The following TTC28 variants were observed in gnomAD, a reference collection of about 807,000 sequenced individuals.
TTC28 encodes the protein tetratricopeptide repeat protein 28.
A neutral mutation model predicts 198.0 loss-of-function variants in TTC28; 61 were observed. That is an observed-to-expected ratio of 0.31 (90% CI 0.25 to 0.38). The LOEUF is 0.38. Ranked by LOEUF, TTC28 falls within the 10% of genes least tolerant of loss-of-function variation. The probability of loss-of-function intolerance (pLI) is 1.00; values close to 1 mark genes in which losing one functional copy is unlikely to be tolerated. For synonymous variants in TTC28, 1,171 were observed against 1,297.8 expected (o/e 0.90, Z 2.10); for missense variants, 2,678 against 3,164.0 (o/e 0.85, Z 3.69).
intron 2 of TTC28, among the ~76,000 whole-genome samples, chr22:28,536,431 T>C (rs2049280306): frequency 6.6e-6 from 1 of 151,618 alleles, no homozygotes. Flanking sequence ...GAGACCATCC[T>C]GGCTAACACG....
chr22:28,299,402 C>T (rs1283831498), intron 3 of TTC28, among the ~76,000 whole-genome samples: 1 of 152,146 alleles, frequency 6.6e-6, no homozygotes, highest in Non-Finnish European at 1.5e-5. Context: ...AATCTTGAAA[C>T]CTGGAAACCT....
At chr22:28,112,831 G>A (rs948925944) in intron 6 of TTC28, among the ~76,000 whole-genome samples, 11 of 152,160 alleles carry the variant, frequency 7.2e-5, no homozygotes, top group Admixed American at 6.5e-5. Flanking sequence ...GCAGGGAGGG[G>A]AATTAAATGA....
intron 5 of TTC28, among the ~76,000 whole-genome samples, chr22:28,202,344 G>A (rs1049584636): frequency 2.0e-5 from 3 of 151,782 alleles, no homozygotes; most frequent in Non-Finnish European, 4.4e-5. Context: ...TGAGACCAGC[G>A]TGGCCAACAT....
chr22:28,262,847 A>G (rs1931419075), intron 5 of TTC28, among the ~76,000 whole-genome samples: 1 of 152,150 alleles, frequency 6.6e-6, no homozygotes, highest in South Asian at 2.1e-4. Flanking sequence ...GATGAGAATG[A>G]CTACCAGAAG....
chr22:28,033,123 G>A (rs1939199673), intron 12 of TTC28, among the ~76,000 whole-genome samples: 1 of 152,136 alleles, frequency 6.6e-6, no homozygotes, highest in African/African-American at 2.4e-5. Context: ...GCCTGGGACC[G>A]GTATCAGCCT....
chr22:28,048,540 C>A (rs1175698359), intron 12 of TTC28, among the ~76,000 whole-genome samples: 1 of 152,132 alleles, frequency 6.6e-6, no homozygotes, highest in African/African-American at 2.4e-5. Flanking sequence ...TAAAGCAAAA[C>A]CACAGACGTG....
At chr22:28,556,576 G>C (rs1040335870) in intron 2 of TTC28, among the ~76,000 whole-genome samples, 1 of 152,056 alleles carries the variant, frequency 6.6e-6, no homozygotes, top group Non-Finnish European at 1.5e-5. Flanking sequence ...TGTCTTTGAT[G>C]TTCTTTAGTA....
chr22:28,572,044 A>T (rs2050070800), intron 2 of TTC28, among the ~76,000 whole-genome samples: 1 of 151,112 alleles, frequency 6.6e-6, no homozygotes, highest in Non-Finnish European at 1.5e-5. Context: ...TTGTATAAAG[A>T]ATTGCTCAGC....
chr22:28,590,104 T>C (rs2050399987), intron 2 of TTC28, among the ~76,000 whole-genome samples: 1 of 146,472 alleles, frequency 6.8e-6, no homozygotes, highest in Admixed American at 6.8e-5. Flanking sequence ...TGATTTGATC[T>C]CATGGGCTTC....
chr22:28,265,949 G>T (rs1387189695), intron 5 of TTC28, among the ~76,000 whole-genome samples: 1 of 152,086 alleles, frequency 6.6e-6, no homozygotes, highest in Non-Finnish European at 1.5e-5. Flanking sequence ...GAAGGCCAAG[G>T]AGGGCAGATC....
intron 2 of TTC28, among the ~76,000 whole-genome samples, chr22:28,456,110 G>A (rs1009547617): frequency 6.7e-6 from 1 of 149,460 alleles, no homozygotes; most frequent in African/African-American, 2.5e-5. Flanking sequence ...AGTGAGCCGA[G>A]ATTGCACCAC....
intron 5 of TTC28, among the ~76,000 whole-genome samples, chr22:28,210,683 G>T (rs956534099): frequency 6.6e-6 from 1 of 152,104 alleles, no homozygotes; most frequent in African/African-American, 2.4e-5. Context: ...TGAAAGTGAC[G>T]GGGAGAATGG....
At chr22:28,505,149 CGGGAGGGT>C (rs886578899) in intron 2 of TTC28, among the ~76,000 whole-genome samples, 3 of 144,200 alleles carry the variant, frequency 2.1e-5, no homozygotes, top group African/African-American at 7.8e-5. Flanking sequence ...CCCAGCTACT[CGGGAGGGT>C]GAGGCAGGAG....
At chr22:28,034,830 A>C (rs1205117838) in intron 12 of TTC28, among the ~76,000 whole-genome samples, 1 of 152,174 alleles carries the variant, frequency 6.6e-6, no homozygotes, top group Non-Finnish European at 1.5e-5. Flanking sequence ...CCCTGCCAGC[A>C]TCTGTTCCAG....
chr22:28,460,441 A>AT (rs145274870), intron 2 of TTC28, among the ~76,000 whole-genome samples: 15,194 of 151,860 alleles, frequency 0.1, 865 homozygotes, highest in African/African-American at 0.12. Flanking sequence ...ATGCATATAC[A>AT]TTTTTTTCCA....
intron 2 of TTC28, among the ~76,000 whole-genome samples, chr22:28,454,208 C>T (rs906711634): frequency 1.3e-5 from 2 of 152,170 alleles, no homozygotes; most frequent in Non-Finnish European, 2.9e-5. Flanking sequence ...CCACTTATTA[C>T]AATTTGAAAT....
intron 5 of TTC28, among the ~76,000 whole-genome samples, chr22:28,176,621 T>C (rs1000395897): frequency 6.6e-6 from 1 of 152,202 alleles, no homozygotes; most frequent in African/African-American, 2.4e-5. Context: ...ACGGATACAC[T>C]ACTATGACTG....
intron 6 of TTC28, among the ~76,000 whole-genome samples, chr22:28,121,055 T>C (rs1942773067): frequency 6.6e-6 from 1 of 152,188 alleles, no homozygotes; most frequent in African/African-American, 2.4e-5. Context: ...TGCTTTCAGT[T>C]TTTCTTCCGT....
intron 12 of TTC28, among the ~76,000 whole-genome samples, chr22:28,038,696 G>A (rs1939470534): frequency 6.6e-6 from 1 of 152,168 alleles, no homozygotes; most frequent in African/African-American, 2.4e-5. Flanking sequence ...AAGAGCTTCT[G>A]CACAGCAAAA....
Sources: allele counts gnomAD v4.1 joint callset (sites outside exome capture counted in the v4.1 genomes callset), GRCh38; gene constraint gnomAD v4.1.1; transcripts MANE v1.5; gene names NCBI Gene and HGNC (gene_info 2026-07-23, HGNC 2026-07-21).